The following POLG variants were observed in gnomAD, a reference collection of about 807,000 sequenced individuals.
POLG encodes DNA polymerase gamma, catalytic subunit.
In POLG, 110 loss-of-function variants were observed where a neutral mutation model predicts 155.4. That is an observed-to-expected ratio of 0.71 (90% CI 0.61 to 0.83). The LOEUF (loss-of-function observed/expected upper bound fraction) is 0.83, where lower values mean the gene tolerates loss of function less well. Among genes scored for constraint, POLG ranks in the 40% least tolerant of loss-of-function variants. The pLI is 0.00. For missense variants in POLG, 1,685 were observed against 1,627.5 expected (o/e 1.04, Z -0.61); for synonymous variants, 701 against 631.5 (o/e 1.11, Z -1.65).
chr15:89,320,519 T>C (rs1397120010), intron 18 of POLG, among the ~76,000 whole-genome samples: 1 of 152,222 alleles, frequency 6.6e-6, no homozygotes, highest in Non-Finnish European at 1.5e-5. Context: ...ATGCTACCAC[T>C]TGGTAACAGT....
In POLG at chr15:89,330,351, T is replaced by C. The variant is rs1395194970; in HGVS notation, c.660-75A>G. ...CACTCCACAACAACCACTGCACACC[T>C]ACCGCCACATGCCAGATGGTGCATT... On this transcript the variant is annotated intron_variant, in intron 2 of 22. Coordinates refer to ENST00000268124, the MANE Select transcript of POLG (RefSeq NM_002693.3). 5 of 1,122,122 alleles carry C rather than the reference T, an allele frequency of 4.5e-6. No individual in the cohort carries two copies. In the Admixed American group the frequency reaches 9.6e-5, roughly 22 times the overall value. 69.5% of individuals were successfully genotyped at this position (1,122,122 alleles called of 1,614,324 possible). A position where few individuals can be genotyped will look rare whatever the true frequency, so the allele number is the denominator to read the frequency against.
intron 13 of POLG, 25 bp from the exon 14 acceptor site, chr15:89,322,927 G>A (rs774317588): frequency 1.2e-6 from 2 of 1,608,782 alleles, no homozygotes; most frequent in Middle Eastern, 2.2e-4. Flanking sequence ...GGAAGCAGGG[G>A]CTGGAGGCAG....
intron 12 of POLG, 81 bp downstream of exon 12, chr15:89,323,734 G>T: frequency 2.5e-6 from 3 of 1,194,444 alleles, no homozygotes; most frequent in Non-Finnish European, 3.8e-6. Context: ...GGGAACTCTG[G>T]CTGGGAAGAA....
intron 14 of POLG, among the ~76,000 whole-genome samples, chr15:89,322,440 T>G (rs1009035061): frequency 2.0e-5 from 3 of 152,220 alleles, no homozygotes; most frequent in African/African-American, 7.2e-5. Flanking sequence ...CCAACAGGGC[T>G]TACAGGCCAC....
chr15:89,327,165 A>G lies in POLG; in HGVS notation c.1433+2T>C, dbSNP rs920850257. The G allele has an allele frequency of 6.2e-7, 1 of 1,614,036 alleles. No homozygotes were observed. The highest frequency in any genetic ancestry group is 1.3e-5 in the African/African-American group (1 of 74,922). On this transcript the variant is annotated splice_donor_variant, in intron 7 of 22. Transcript: ENST00000268124. LOFTEE classifies it high-confidence loss of function. The stretch of plus-strand genomic sequence containing the variant: ...GATCCTGCCCACCCAAGGCCTGGCT[A>G]CCTCTCTCCTGAGAGCAGCTGGCAG...
At chr15:89,330,044 C>T in intron 3 of POLG, 37 bp downstream of exon 3, 1 of 1,550,908 alleles carries the variant, frequency 6.4e-7, no homozygotes, top group Non-Finnish European at 8.9e-7. Flanking sequence ...CTGGCCCATC[C>T]CATGCCAGAA....
rs2055465411 is a variant in POLG, at chr15:89,325,089, T to TGAGTGAGTGAGA, written c.1949+349_1949+360dup. ...GTGAGTGAGTGAGTGAGTGAGAGAG[T>TGAGTGAGTGAGA]GAGTGAGTGAGAGAGTGAGAGAGAG... On this transcript the variant is annotated intron_variant, in intron 10 of 22. Coordinates refer to ENST00000268124, the MANE Select transcript of POLG (RefSeq NM_002693.3). Among the ~76,000 whole-genome samples, 3 of 41,220 alleles carry TGAGTGAGTGAGA rather than the reference T, an allele frequency of 7.3e-5. 1 individual carries two copies. Among genetic ancestry groups the TGAGTGAGTGAGA allele is most frequent in the South Asian group, 1.5e-3 (2 of 1,292 alleles). The allele number at this position is 41,220 out of a possible 152,430, so 27.0% of individuals were successfully genotyped here.
At position 89,321,485 on chromosome 15, in the gene POLG, C is replaced by T. The variant is rs3176209; in HGVS notation, c.2599-225G>A. ...CGCTATGCCAGACCCCTCACCTACACGGTCCTATCTAAATTCCATGAGAGC... is the reference window on the plus strand; with the variant it reads ...CGCTATGCCAGACCCCTCACCTACATGGTCCTATCTAAATTCCATGAGAGC... On this transcript the variant is annotated intron_variant, in intron 16 of 22. Coordinates refer to ENST00000268124, the MANE Select transcript of POLG (RefSeq NM_002693.3). Among the ~76,000 whole-genome samples the T allele has an allele frequency of 0.96, 145,948 of 152,318 alleles. 70,011 individuals are homozygous for T. Among genetic ancestry groups the T allele is most frequent in the East Asian group, 1 (5,179 of 5,180 alleles).
In POLG at chr15:89,325,513, T is replaced by G. The variant is rs1039182766; in HGVS notation, c.1886A>C (p.Asp629Ala). ...GWGYLVPGRR[D>A]NLAKLPTGTT... ...ACCTGTCGGCAGCTTGGCCAGGTTGTCCCGCCGCCCAGGCACCAAGTAGCC... is the reference window on the plus strand; with the variant it reads ...ACCTGTCGGCAGCTTGGCCAGGTTGGCCCGCCGCCCAGGCACCAAGTAGCC... The change falls in exon 10 of 23, where the codon GAC becomes GCC. Residue 629 changes from aspartate (D) to alanine (A), a missense_variant. Asp to Ala is a moderately radical substitution (Grantham distance 126). Around this residue, in one of 3 missense-constraint regions of POLG, gnomAD observed 1,210 missense variants for 1,167.1 expected, o/e 1.04. Coordinates refer to ENST00000268124, the MANE Select transcript of POLG (RefSeq NM_002693.3). 12 of 1,611,256 alleles carry G rather than the reference T, an allele frequency of 7.4e-6. No homozygotes were observed. The highest frequency in any genetic ancestry group is 1.0e-5 in the Non-Finnish European group (12 of 1,179,980).
chr15:89,323,937 G>T (rs750266034), intron 11 of POLG, 36 bp from the exon 12 acceptor site: 36 of 1,565,138 alleles, frequency 2.3e-5, no homozygotes, highest in Middle Eastern at 1.7e-4. Context: ...GTGAAGCAGG[G>T]GACTGGGTAG....
Position 89,326,694 on chromosome 15 carries a change from T to C in POLG, c.1630A>G (p.Met544Val), listed in dbSNP as rs1204990303. The change falls in exon 9 of 23, where the codon ATG (methionine) becomes GTG (valine). Residue 544 changes from methionine (M) to valine (V), a missense_variant. Coordinates refer to ENST00000268124, the MANE Select transcript of POLG (RefSeq NM_002693.3). Reference sequence around the variant, plus strand: ...AGCTTCTGCAAGCAGGCGCGGGCCATGACATCTTGTTGAAACTCCTCCTCC... The same window carrying C: ...AGCTTCTGCAAGCAGGCGCGGGCCACGACATCTTGTTGAAACTCCTCCTCC... Reference protein sequence around the residue: ...SEEEEFQQDVMARACLQKLKG... With the variant: ...SEEEEFQQDVVARACLQKLKG... 1 of 1,614,030 alleles carries C rather than the reference T, an allele frequency of 6.2e-7. No individual in the cohort carries two copies. The highest frequency in any genetic ancestry group is 8.5e-7 in the Non-Finnish European group (1 of 1,179,990).
chr15:89,324,341 T>G, intron 10 of POLG, 114 bp from the exon 11 acceptor site: 1 of 1,235,132 alleles, frequency 8.1e-7, no homozygotes, highest in Non-Finnish European at 1.2e-6. Context: ...GAATCAGCTC[T>G]GAGGCAGAAC....
At chr15:89,332,152 A>C (rs2055602396) in intron 2 of POLG, 1 of 152,180 alleles carries the variant, frequency 6.6e-6, no homozygotes, top group South Asian at 2.1e-4. Context: ...TGTGATTCTC[A>C]TTGTAACTGG....
chr15:89,323,363 A>G (rs2055425684), intron 13 of POLG, 41 bp downstream of exon 13: 1 of 1,317,432 alleles, frequency 7.6e-7, no homozygotes, highest in Middle Eastern at 1.8e-4. Context: ...CTTGAGCAGA[A>G]TGAGGAAACA....
intron 16 of POLG, 94 bp downstream of exon 16, chr15:89,321,642 A>G (rs573225768): frequency 5.3e-6 from 5 of 945,128 alleles, no homozygotes; most frequent in African/African-American, 3.2e-5. Flanking sequence ...GGTCCTTTTC[A>G]TGATCCTCAC....
rs768656345 is a variant in POLG at position 89,316,564 on chromosome 15, G to T, written c.*187C>A. The T allele has an allele frequency of 7.9e-7, 1 of 1,266,858 alleles. No homozygotes were observed. The highest frequency in any genetic ancestry group is 1.3e-5 in the South Asian group (1 of 79,334). 78.5% of individuals were successfully genotyped at this position (1,266,858 alleles called of 1,614,324 possible). ...AGTCCACACCGATGTTGGCATCTTG[G>T]TTCTGAACCCACTGAATTCAACTGC... On this transcript the variant is annotated 3_prime_UTR_variant, in exon 23 of 23. Coordinates refer to ENST00000268124, the MANE Select transcript of POLG (RefSeq NM_002693.3).
rs750218626 is a variant in POLG at position 89,316,388 on chromosome 15, C to T, written c.*363G>A. 2.5e-6 allele frequency: 4 copies of T among 1,610,188 alleles called. No individual in the cohort carries two copies. The highest frequency in any genetic ancestry group is 1.7e-4 in the Middle Eastern group (1 of 6,058). The stretch of plus-strand genomic sequence containing the variant: ...ATCACGTTAGAGCATTAATTCTTTC[C>T]CCTTCTAGGGCACTGCATCAGAGCA... On this transcript the variant is annotated 3_prime_UTR_variant, in exon 23 of 23. Coordinates refer to ENST00000268124, the MANE Select transcript of POLG (RefSeq NM_002693.3).
In POLG at chr15:89,318,328, A is replaced by G. The variant is rs3176230; in HGVS notation, c.3482+213T>C. ...TCAATGATCAGTCTTGGTATTTCAC[A>G]TTTTCAAACCCAATAACTCTTTTTT... On this transcript the variant is annotated intron_variant, in intron 21 of 22. Coordinates refer to ENST00000268124, the MANE Select transcript of POLG (RefSeq NM_002693.3). Among the ~76,000 whole-genome samples, 625 of 151,152 alleles carry G rather than the reference A, an allele frequency of 4.1e-3. 15 individuals carry two copies. Among genetic ancestry groups the G allele is most frequent in the Admixed American group, 0.039 (591 of 15,224 alleles).
rs1388382988 is a variant in POLG, at chr15:89,325,061, T to A, written c.1949+389A>T. On this transcript the variant is annotated intron_variant, in intron 10 of 22. Coordinates refer to ENST00000268124, the MANE Select transcript of POLG (RefSeq NM_002693.3). ...GAGAGTGAGTGAGTGAGTGAGAGAG[T>A]GAGTGAGTGAGTGAGTGAGTGAGAG... Among the ~76,000 whole-genome samples the A allele has an allele frequency of 4.2e-3, 294 of 70,090 alleles. 31 individuals carry two copies. Among genetic ancestry groups the A allele is most frequent in the African/African-American group, 0.017 (251 of 15,160 alleles). The allele number at this position is 70,090 out of a possible 152,430, so 46.0% of individuals were successfully genotyped here.
Sources: allele counts gnomAD v4.1 joint callset (sites outside exome capture counted in the v4.1 genomes callset), GRCh38; gene constraint gnomAD v4.1.1; regional missense constraint gnomAD v4.1.1; transcripts MANE v1.5; gene names NCBI Gene and HGNC (gene_info 2026-07-23, HGNC 2026-07-21).